Variants in AP3D1 observed in about 807,000 individuals in gnomAD.
AP3D1 encodes AP-3 complex subunit delta-1.
Under a neutral mutation model 147.6 loss-of-function variants are expected in AP3D1, and 51 were observed. The observed-to-expected ratio is 0.35, with a 90% CI of 0.28 to 0.44. The LOEUF (loss-of-function observed/expected upper bound fraction) is 0.44. AP3D1 is among the 20% of genes least tolerant of loss of function. The pLI, the probability that AP3D1 is intolerant of heterozygous loss-of-function variation, is 1.00. For missense variants in AP3D1, 1,421 were observed against 1,624.2 expected (o/e 0.87, Z 2.15); for synonymous variants, 760 against 663.0 (o/e 1.15, Z -2.25).
intron 4 of AP3D1, among the ~76,000 whole-genome samples, chr19:2,136,481 G>C (rs921984720): frequency 6.6e-6 from 1 of 152,236 alleles, no homozygotes; most frequent in Non-Finnish European, 1.5e-5. Context: ...TCTATTGAGA[G>C]GCGGGAACCA....
intron 1 of AP3D1, among the ~76,000 whole-genome samples, chr19:2,150,077 A>C (rs1215310736): frequency 2.0e-5 from 3 of 152,168 alleles, no homozygotes; most frequent in Non-Finnish European, 4.4e-5. Context: ...ACTTCCAGGA[A>C]AGTGTAAAGG....
intron 29 of AP3D1, 89 bp from the exon 30 acceptor site, chr19:2,109,296 T>TGC: frequency 6.8e-7 from 1 of 1,471,780 alleles, no homozygotes; most frequent in Non-Finnish European, 9.0e-7. Flanking sequence ...CCACACACGC[T>TGC]GCGCTTGGAC....
chr19:2,129,129 C>G lies in AP3D1; in HGVS notation c.767G>C (p.Gly256Ala). 6.3e-7 allele frequency: 1 copy of G among 1,597,208 alleles called. No individual in the cohort carries two copies. The highest frequency in any genetic ancestry group is 8.5e-7 in the Non-Finnish European group (1 of 1,173,020). ...GALTPLEPRL[G>A]KKLIEPLTNL... ...GGTGAGGGGCTCGATCAGCTTCTTG[C>G]CCAGCCGCGGTTCCAAAGGAGTAAG... Residue 256 changes from glycine to alanine, a missense_variant, in exon 8 of 32, where the codon GGC (glycine) becomes GCC (alanine). Gly to Ala is a moderately conservative substitution (Grantham distance 60). Transcript: ENST00000643116.
intron 9 of AP3D1, among the ~76,000 whole-genome samples, chr19:2,126,203 G>A (rs1452474013): frequency 4.6e-5 from 7 of 152,200 alleles, no homozygotes; most frequent in African/African-American, 2.4e-5. Flanking sequence ...CTACTGGTGA[G>A]AAGCTTCTGC....
At position 2,112,131 on chromosome 19, in the gene AP3D1, C is replaced by T. The variant is rs1316715212; in HGVS notation, c.2788-303G>A. On this transcript the variant is annotated intron_variant, in intron 24 of 31. Coordinates refer to ENST00000643116, the MANE Select transcript of AP3D1 (RefSeq NM_001261826.3). ...CACCACACTTGACGCAGCAACCCCA[C>T]GCCCATGTGCACATCCGAGAGGGAA... is the stretch of plus-strand genomic sequence containing the variant. The T allele has an allele frequency of 4.6e-5, 21 of 452,558 alleles. No individual in the cohort carries two copies. In the Admixed American group the frequency reaches 6.3e-4, roughly 14 times the overall value. The allele number at this position is 452,558 out of a possible 1,614,324, so 28.0% of individuals were successfully genotyped here.
At chr19:2,118,078 T>C (rs2018508156) in intron 15 of AP3D1, among the ~76,000 whole-genome samples, 2 of 152,242 alleles carry the variant, frequency 1.3e-5, no homozygotes, top group Middle Eastern at 3.4e-3. Context: ...AAGAATCCCT[T>C]GAACCCAGGG....
rs2144973751 is a variant in AP3D1 at position 2,101,966 on chromosome 19, G to A, written c.*207C>T. The A allele has an allele frequency of 1.8e-6, 1 of 548,946 alleles. No individual in the cohort carries two copies. The highest frequency in any genetic ancestry group is 2.2e-5 in the South Asian group (1 of 46,198). 34.0% of individuals were successfully genotyped at this position (548,946 alleles called of 1,614,324 possible). On this transcript the variant is annotated 3_prime_UTR_variant, in exon 32 of 32. Transcript: ENST00000643116. ...GGCGAGAAGGGGACTTCTTGCCAAA[G>A]AGAATGGGAAGAGTCACAGTAAAAA...
rs202003533 is a variant in AP3D1, at chr19:2,123,882, G to A, written c.857-3C>T. ...GCCGGAGGACAGCGAGATGAGCACT[G>A]CAACAGACAGCTTGGTCAGCACCAC... is the stretch of plus-strand genomic sequence containing the variant. On this transcript the variant is annotated splice_polypyrimidine_tract_variant and splice_region_variant and intron_variant, in intron 9 of 31. Coordinates refer to ENST00000643116, the MANE Select transcript of AP3D1 (RefSeq NM_001261826.3). 1,300 of 1,573,530 alleles carry A rather than the reference G, an allele frequency of 8.3e-4. 13 individuals carry two copies. In the African/African-American group the frequency reaches 0.013, roughly 16 times the overall value.
At chr19:2,148,908 A>G (rs544415007) in intron 1 of AP3D1, among the ~76,000 whole-genome samples, 9 of 152,324 alleles carry the variant, frequency 5.9e-5, no homozygotes, top group African/African-American at 1.9e-4. Flanking sequence ...CACACTGTCT[A>G]GAGTCTTTGT....
At chr19:2,111,466 G>A (rs1472205781) in intron 25 of AP3D1, 134 bp from the exon 26 acceptor site, 15 of 1,285,148 alleles carry the variant, frequency 1.2e-5, no homozygotes, top group African/African-American at 3.0e-5. Context: ...CAAAGGAGCC[G>A]ATGAGGGATC....
chr19:2,122,207 C>CCAG lies in AP3D1; in HGVS notation c.956-331_956-329dup, dbSNP rs3831628. Among the ~76,000 whole-genome samples the CCAG allele has an allele frequency of 1.0e-3, 156 of 151,154 alleles. No individual in the cohort carries two copies. In the Middle Eastern group the frequency reaches 0.017, roughly 17 times the overall value. ...CAGGGAAGAACGCAGAGAAGACTTT[C>CCAG]CAGCAGCAGCAGCAGATACCCTTGG... On this transcript the variant is annotated intron_variant, in intron 11 of 31. Coordinates refer to ENST00000643116, the MANE Select transcript of AP3D1 (RefSeq NM_001261826.3).
chr19:2,123,462 C>G, intron 10 of AP3D1, 56 bp from the exon 11 acceptor site: 1 of 1,576,528 alleles, frequency 6.3e-7, no homozygotes, highest in Non-Finnish European at 8.7e-7. Context: ...GGGTGAGTCC[C>G]ACAGGTACCC....
intron 16 of AP3D1, 137 bp from the exon 17 acceptor site, chr19:2,116,883 G>C: frequency 8.3e-7 from 1 of 1,208,698 alleles, no homozygotes. Context: ...CACAGGGCCA[G>C]CGAGGCAGGT....
At chr19:2,137,895 A>G in intron 2 of AP3D1, 88 bp from the exon 3 acceptor site, 1 of 1,226,182 alleles carries the variant, frequency 8.2e-7, no homozygotes, top group South Asian at 1.2e-5. Context: ...CCCTCCCAGC[A>G]CACGGTGCTG....
In AP3D1 at chr19:2,161,381, C is replaced by T. The variant is rs564537887; in HGVS notation, c.-103+2975G>A. ...TTCACCATGTTGGCCAGGCTGGTCTCGAACTCCTGACCTCAGGTGATCCGC... is the reference window on the plus strand; with the variant it reads ...TTCACCATGTTGGCCAGGCTGGTCTTGAACTCCTGACCTCAGGTGATCCGC... On this transcript the variant is annotated intron_variant, in intron 1 of 14. Transcript: ENST00000643010. Among the ~76,000 whole-genome samples, 19 of 151,714 alleles carry T rather than the reference C, an allele frequency of 1.3e-4. No homozygotes were observed. In the East Asian group the frequency reaches 3.3e-3, roughly 26 times the overall value.
At chr19:2,128,475 C>CGGCCCACCCCACA (rs1568294647) in intron 8 of AP3D1, among the ~76,000 whole-genome samples, 3 of 74,586 alleles carry the variant, frequency 4.0e-5, no homozygotes, top group African/African-American at 6.0e-5. Context: ...CCGCCCCCGC[C>CGGCCCACCCCACA]GCTCCGACAC....
intron 1 of AP3D1, among the ~76,000 whole-genome samples, chr19:2,160,426 G>C (rs1042268311): frequency 6.6e-6 from 1 of 152,174 alleles, no homozygotes; most frequent in Non-Finnish European, 1.5e-5. Context: ...CTACTCGGGA[G>C]GCTGAGGCAG....
At chr19:2,115,806 T>C (rs1199720464) in intron 18 of AP3D1, among the ~76,000 whole-genome samples, 193 bp from the exon 19 acceptor site, 2 of 152,228 alleles carry the variant, frequency 1.3e-5, no homozygotes, top group East Asian at 1.9e-4. Flanking sequence ...CAGTGAGGAC[T>C]GGAAAGCTTG....
chr19:2,151,848 A>G (rs1277770762), upstream of AP3D1, among the ~76,000 whole-genome samples: 1 of 152,150 alleles, frequency 6.6e-6, no homozygotes, highest in African/African-American at 2.4e-5. Flanking sequence ...TGACCCTCCC[A>G]CCAGCTGACA....
Sources: allele counts gnomAD v4.1 joint callset (sites outside exome capture counted in the v4.1 genomes callset), GRCh38; gene constraint gnomAD v4.1.1; transcripts MANE v1.5; gene names NCBI Gene and HGNC (gene_info 2026-07-23, HGNC 2026-07-21).